Variants in ARAF observed in about 807,000 individuals in gnomAD.
ARAF encodes the protein serine/threonine-protein kinase A-Raf.
A neutral mutation model predicts 48.0 loss-of-function variants in ARAF; 18 were observed. The observed-to-expected ratio is 0.37, with a 90% confidence interval of 0.26 to 0.56. The LOEUF is 0.56. Ranked by LOEUF, ARAF falls within the 20% of genes least tolerant of loss-of-function variation. The pLI is 0.77. For missense variants in ARAF, 389 were observed against 543.1 expected (o/e 0.72, Z 2.82); for synonymous variants, 207 against 220.1 (o/e 0.94, Z 0.53).
At chrX:47,566,260 C>T (rs980842632) in intron 6 of ARAF, among the ~76,000 whole-genome samples, 5 of 112,024 alleles carry the variant, frequency 4.5e-5, no homozygotes, top group Admixed American at 1.9e-4. Flanking sequence ...TGCCTTTAGG[C>T]GTTTACTCCA....
At chrX:47,561,518 A>G (rs2057708011) in intron 1 of ARAF, among the ~76,000 whole-genome samples, 1 of 111,943 alleles carries the variant, frequency 8.9e-6, no homozygotes, top group South Asian at 3.8e-4. Flanking sequence ...GCCCTTTGGT[A>G]GGCGGGACCC....
At position 47,571,488 on chromosome X, in the gene ARAF, C is replaced by A; in HGVS notation, c.*31C>A. On this transcript the variant is annotated 3_prime_UTR_variant, in exon 16 of 16. Transcript: ENST00000377045. ...GCCCAAGCCACCAGGGAGCCAATCT[C>A]AGCCCTCCACGCCAAGGAGCCTTGC... The A allele has an allele frequency of 8.4e-7, 1 of 1,186,610 alleles. No individual in the cohort carries two copies. The highest frequency in any genetic ancestry group is 1.9e-5 in the South Asian group (1 of 53,541).
intron 6 of ARAF, chrX:47,565,834 G>T (rs2057730322): frequency 7.0e-6 from 1 of 143,818 alleles, no homozygotes; most frequent in African/African-American, 3.3e-5. Flanking sequence ...ATATATTATT[G>T]CTCTAATATA....
At position 47,571,623 on chromosome X, in the gene ARAF, T is replaced by A; in HGVS notation, c.*166T>A. On this transcript the variant is annotated 3_prime_UTR_variant, in exon 16 of 16. Coordinates refer to ENST00000377045, the MANE Select transcript of ARAF (RefSeq NM_001654.5). ...TGTGCTTTTCCAGTTCTTCTGGAAT[T>A]GGGGGACCCCCGCCAAAGACTGAGC... The A allele has an allele frequency of 1.3e-6, 1 of 746,692 alleles. No individual in the cohort carries two copies. The highest frequency in any genetic ancestry group is 1.9e-6 in the Non-Finnish European group (1 of 539,491). 61.5% of individuals were successfully genotyped at this position (746,692 alleles called of 1,213,427 possible).
Position 47,571,379 on chromosome X carries a change from C to T in ARAF, c.1743C>T (p.Ala581=). ...CACTCCCCAAGATTGAGCGGAGTGC[C>T]TCGGAACCCTCCTTGCACCGCACCC... ...QRSLPKIERS[A]SEPSLHRTQA... The change falls in exon 16 of 16, where the codon GCC becomes GCT. Residue 581 remains alanine, a synonymous_variant. Coordinates refer to ENST00000377045, the MANE Select transcript of ARAF (RefSeq NM_001654.5). 4 of 1,210,521 alleles carry T rather than the reference C, an allele frequency of 3.3e-6. No individual in the cohort carries two copies. The highest frequency in any genetic ancestry group is 4.5e-6 in the Non-Finnish European group (4 of 894,945).
intron 1 of ARAF, among the ~76,000 whole-genome samples, chrX:47,561,720 C>T (rs763598942): frequency 3.7e-5 from 4 of 108,196 alleles, no homozygotes; most frequent in Non-Finnish European, 7.7e-5. Context: ...ATCCCTCATT[C>T]AGTTTAGACC....
At position 47,570,933 on chromosome X, in the gene ARAF, G is replaced by C; in HGVS notation, c.1607G>C (p.Ser536Thr). ...TCCCCGGACCTCAGCAAAATCTCCA[G>C]CAACTGCCCCAAGGCCATGCGGCGC... ...YLSPDLSKIS[S>T]NCPKAMRRLL... The change falls in exon 15 of 16, where the codon AGC becomes ACC. Residue 536 changes from serine (S) to threonine (T), a missense_variant. This residue lies in a region of ARAF where 170 missense variants were observed against 281.4 expected (regional missense o/e 0.60). Transcript: ENST00000377045. 1.7e-6 allele frequency: 2 copies of C among 1,211,854 alleles called. No homozygotes were observed. The highest frequency in any genetic ancestry group is 2.2e-6 in the Non-Finnish European group (2 of 895,448).
In ARAF at chrX:47,564,973, C is replaced by G. The variant is rs746296307; in HGVS notation, c.304-12C>G. On this transcript the variant is annotated splice_polypyrimidine_tract_variant and intron_variant, in intron 4 of 15. Coordinates refer to ENST00000377045, the MANE Select transcript of ARAF (RefSeq NM_001654.5). ...TGACCAGGTCTCAAACTTCCCTGCT[C>G]TGTGGCATCAGGTACGGAAGACCTT... 4.1e-6 allele frequency: 5 copies of G among 1,212,089 alleles called. No homozygotes were observed. The highest frequency in any genetic ancestry group is 2.2e-6 in the Non-Finnish European group (2 of 895,524).
Position 47,567,397 on chromosome X carries a change from G to A in ARAF, c.1041G>A (p.Gln347=), listed in dbSNP as rs755586743. 1.2e-5 allele frequency: 14 copies of A among 1,208,597 alleles called. No individual in the cohort carries two copies. The highest frequency in any genetic ancestry group is 1.6e-5 in the Non-Finnish European group (14 of 894,004). ...VLKVSQPTAE[Q]AQAFKNEMQV... ...AGGTGTCCCAGCCCACAGCTGAGCA[G>A]GCCCAGGCTTTCAAGAATGAGATGC... The change falls in exon 10 of 16, where the codon CAG becomes CAA. Residue 347 remains glutamine, a synonymous_variant. Transcript: ENST00000377045.
Position 47,569,040 on chromosome X carries a change from ATCTG to A in ARAF, c.1300+10_1300+13del, listed in dbSNP as rs763466328. The A allele has an allele frequency of 5.0e-6, 6 of 1,196,296 alleles. No individual in the cohort carries two copies. The East Asian group carries it at 1.8e-4, about 36-fold the overall frequency. ...CGAGATCTCAAGTCTAACAGTATCT[ATCTG>A]TCCCTGGGCTGGGGTTGAGTGGGGG... On this transcript the variant is annotated splice_region_variant and intron_variant, in intron 12 of 15. Coordinates refer to ENST00000377045, the MANE Select transcript of ARAF (RefSeq NM_001654.5).
intron 15 of ARAF, 115 bp downstream of exon 15, chrX:47,571,127 GT>G: frequency 1.0e-6 from 1 of 968,844 alleles, no homozygotes; most frequent in Non-Finnish European, 1.4e-6. Flanking sequence ...GTGTGTGTGT[GT>G]GTGTGTGTGT....
intron 1 of ARAF, 41 bp from the exon 2 acceptor site, chrX:47,562,868 A>G (rs886504007): frequency 4.1e-5 from 27 of 651,196 alleles, no homozygotes; most frequent in Non-Finnish European, 6.2e-5. Context: ...CTTCTAGACT[A>G]TCATTATTGG....
rs2057758475 is a variant in ARAF at position 47,571,535 on chromosome X, T to C, written c.*78T>C. The C allele has an allele frequency of 1.7e-5, 19 of 1,109,679 alleles. No individual in the cohort carries two copies. Among genetic ancestry groups the C allele is most frequent in the Non-Finnish European group, 2.1e-5 (18 of 840,978 alleles). 91.5% of individuals were successfully genotyped at this position (1,109,679 alleles called of 1,213,427 possible). On this transcript the variant is annotated 3_prime_UTR_variant, in exon 16 of 16. Transcript: ENST00000377045. Reference sequence around the variant, plus strand: ...TTGCCCACCAGCCAATCAATGTTCGTCTCTGCCCTGATGCTGCCTCAGGAT... The same window carrying C: ...TTGCCCACCAGCCAATCAATGTTCGCCTCTGCCCTGATGCTGCCTCAGGAT...
In ARAF at chrX:47,564,811, C is replaced by T. The variant is rs2147903815; in HGVS notation, c.215C>T (p.Thr72Ile). 1 of 1,204,827 alleles carries T rather than the reference C, an allele frequency of 8.3e-7. No homozygotes were observed. The highest frequency in any genetic ancestry group is 1.7e-5 in the African/African-American group (1 of 57,662). Reference protein sequence around the residue: ...YRLIKGRKTVTAWDTAIAPLD... With the variant: ...YRLIKGRKTVIAWDTAIAPLD... ...GCCCCCTGCAGACGAAAGACGGTCA[C>T]TGCCTGGGACACAGCCATTGCTCCC... Residue 72 changes from threonine (T) to isoleucine (I), a missense_variant, in exon 4 of 16, where the codon ACT becomes ATT. Coordinates refer to ENST00000377045, the MANE Select transcript of ARAF (RefSeq NM_001654.5).
At position 47,567,376 on chromosome X, in the gene ARAF, G is replaced by T; in HGVS notation, c.1020G>T (p.Val340=). 1 of 1,210,362 alleles carries T rather than the reference G, an allele frequency of 8.3e-7. No individual in the cohort carries two copies. Among genetic ancestry groups the T allele is most frequent in the African/African-American group, 1.7e-5 (1 of 57,766 alleles). ...ATGTGGCCGTGAAGGTGCTCAAGGT[G>T]TCCCAGCCCACAGCTGAGCAGGCCC... ...HGDVAVKVLK[V]SQPTAEQAQA... Residue 340 remains valine, a synonymous_variant, in exon 10 of 16, where the codon GTG becomes GTT. Coordinates refer to ENST00000377045, the MANE Select transcript of ARAF (RefSeq NM_001654.5).
At chrX:47,566,102 A>G (rs1185879203) in intron 6 of ARAF, 5 of 111,818 alleles carry the variant, frequency 4.5e-5, no homozygotes, top group African/African-American at 1.3e-4. Context: ...ATGTATAACA[A>G]TATGGTAATA....
At position 47,568,897 on chromosome X, in the gene ARAF, G is replaced by A; in HGVS notation, c.1253+3G>A. The A allele has an allele frequency of 8.3e-7, 1 of 1,208,648 alleles. No individual in the cohort carries two copies. The highest frequency in any genetic ancestry group is 1.8e-5 in the South Asian group (1 of 56,290). On this transcript the variant is annotated splice_donor_region_variant and intron_variant, in intron 11 of 15. Transcript: ENST00000377045. ...CGGCAGACTGCCCAGGGCATGGAGT[G>A]AGCCTCCCAGCCTGGGGAGGGGTGG... is the stretch of plus-strand genomic sequence containing the variant.
chrX:47,566,954 T>TA, intron 8 of ARAF, 32 bp from the exon 9 acceptor site: 4 of 1,211,541 alleles, frequency 3.3e-6, no homozygotes, highest in Non-Finnish European at 4.5e-6. Context: ...CTGCCCCACT[T>TA]ACCTCCACTC....
intron 13 of ARAF, 61 bp from the exon 14 acceptor site, chrX:47,569,832 G>A (rs1349758554): frequency 4.3e-6 from 5 of 1,176,023 alleles, no homozygotes; most frequent in African/African-American, 1.8e-5. Flanking sequence ...TGGGATCTGG[G>A]ACTGTGGACC....
Sources: gnomAD v4.1 joint callset for allele counts (sites outside exome capture counted in the v4.1 genomes callset) on GRCh38, gnomAD v4.1.1 for gene constraint, gnomAD v4.1.1 regional missense constraint, MANE v1.5 for transcripts, NCBI Gene and HGNC (gene_info 2026-07-23, HGNC 2026-07-21) for gene names.